The following PSD3 variants were observed in gnomAD, a reference collection of about 807,000 sequenced individuals.
The protein encoded by PSD3 is pleckstrin and Sec7 domain containing 3, also known as PH and SEC7 domain-containing protein 3.
In PSD3, 49 loss-of-function variants were observed where a neutral mutation model predicts 105.5. That is an observed-to-expected ratio of 0.46 (90% CI 0.37 to 0.59). The LOEUF (loss-of-function observed/expected upper bound fraction) is 0.59, where lower values mean the gene tolerates loss of function less well. Among genes scored for constraint, PSD3 ranks in the 20% least tolerant of loss-of-function variants. PSD3 has a pLI of 0.00. For synonymous variants in PSD3, 557 were observed against 457.8 expected, an observed-to-expected ratio of 1.22 and a Z score of -2.77; for missense variants, 1,561 against 1,263.8, an observed-to-expected ratio of 1.24 and a Z score of -3.57.
intron 2 of PSD3, among the ~76,000 whole-genome samples, chr8:18,909,907 G>A (rs1405238345): frequency 1.3e-5 from 2 of 152,092 alleles, no homozygotes; most frequent in Non-Finnish European, 2.9e-5. Flanking sequence ...ATTTCCCTCC[G>A]CTGGGAGGCA....
At chr8:18,829,335 A>AC (rs1813487284) in intron 4 of PSD3, among the ~76,000 whole-genome samples, 1 of 152,208 alleles carries the variant, frequency 6.6e-6, no homozygotes, top group Non-Finnish European at 1.5e-5. Flanking sequence ...TCATTTAAAA[A>AC]ACACACACAA....
chr8:18,550,652 T>A (rs1307892799), intron 15 of PSD3, among the ~76,000 whole-genome samples: 1 of 152,190 alleles, frequency 6.6e-6, no homozygotes, highest in Non-Finnish European at 1.5e-5. Flanking sequence ...CCAAAGCCTG[T>A]TTTATAATAA....
intron 2 of PSD3, among the ~76,000 whole-genome samples, chr8:18,925,406 T>TACAC (rs1554543908): frequency 1.3e-5 from 2 of 151,156 alleles, no homozygotes; most frequent in African/African-American, 4.9e-5. Context: ...TATATATATA[T>TACAC]ACACACACAC....
intron 1 of PSD3, among the ~76,000 whole-genome samples, chr8:18,945,528 A>G (rs1326522427): frequency 6.6e-6 from 1 of 152,240 alleles, no homozygotes; most frequent in Non-Finnish European, 1.5e-5. Flanking sequence ...TCTAGTCTCC[A>G]AAACTTGAAG....
intron 9 of PSD3, among the ~76,000 whole-genome samples, chr8:18,731,690 T>C (rs1451276062): frequency 6.6e-6 from 1 of 152,214 alleles, no homozygotes; most frequent in East Asian, 1.9e-4. Flanking sequence ...TCATGTGTTC[T>C]ACTCAGGAAA....
intron 9 of PSD3, among the ~76,000 whole-genome samples, chr8:18,748,523 G>A (rs1056773298): frequency 6.6e-6 from 1 of 152,034 alleles, no homozygotes; most frequent in African/African-American, 2.4e-5. Flanking sequence ...AGCCGGGCTT[G>A]GTGGCAGGCG....
chr8:18,838,922 G>A (rs1814382013), intron 4 of PSD3, among the ~76,000 whole-genome samples: 1 of 151,644 alleles, frequency 6.6e-6, no homozygotes, highest in African/African-American at 2.4e-5. Flanking sequence ...TTGCCACTAG[G>A]TCTTATTTGT....
intron 1 of PSD3, among the ~76,000 whole-genome samples, chr8:18,947,565 C>G (rs939483712): frequency 1.3e-5 from 2 of 152,110 alleles, no homozygotes; most frequent in Non-Finnish European, 2.9e-5. Flanking sequence ...TATGGGGTGG[C>G]GGGGGGCCCA....
chr8:18,831,148 G>C (rs551206161), intron 4 of PSD3, among the ~76,000 whole-genome samples: 1 of 152,120 alleles, frequency 6.6e-6, no homozygotes, highest in Non-Finnish European at 1.5e-5. Flanking sequence ...CATAAAATAG[G>C]GCAGCTACTA....
intron 2 of PSD3, among the ~76,000 whole-genome samples, chr8:18,888,929 T>C (rs1016339175): frequency 6.6e-5 from 10 of 152,092 alleles, no homozygotes; most frequent in African/African-American, 1.9e-4. Flanking sequence ...CCCTGAGGAA[T>C]TGTGAGCATC....
chr8:18,767,332 C>T (rs1190253510), intron 8 of PSD3, among the ~76,000 whole-genome samples: 3 of 152,112 alleles, frequency 2.0e-5, no homozygotes, highest in Admixed American at 6.6e-5. Flanking sequence ...TTTTAGGTTC[C>T]GTATAGACAG....
chr8:18,682,987 T>G (rs1044215028), intron 9 of PSD3, among the ~76,000 whole-genome samples: 4 of 152,304 alleles, frequency 2.6e-5, no homozygotes, highest in Non-Finnish European at 4.4e-5. Context: ...GATCCTATGA[T>G]TCTATTATTC....
chr8:18,663,134 C>T (rs1269489101), intron 9 of PSD3, among the ~76,000 whole-genome samples: 2 of 152,064 alleles, frequency 1.3e-5, no homozygotes, highest in Non-Finnish European at 2.9e-5. Flanking sequence ...CAAAATCAAA[C>T]CTGAAAGTGA....
intron 2 of PSD3, among the ~76,000 whole-genome samples, chr8:18,919,778 C>T (rs1040833112): frequency 4.2e-5 from 6 of 144,064 alleles, no homozygotes; most frequent in African/African-American, 1.6e-4. Flanking sequence ...CATATTCTCA[C>T]TCATAGATGG....
chr8:18,967,082 T>C (rs1276799254), intron 1 of PSD3, among the ~76,000 whole-genome samples: 5 of 152,174 alleles, frequency 3.3e-5, no homozygotes, highest in Admixed American at 2.6e-4. Flanking sequence ...TAAAAGCTTT[T>C]ACTTGGCTTT....
At position 18,804,879 on chromosome 8, in the gene PSD3, T is replaced by G; in HGVS notation, c.1654A>C (p.Thr552Pro). Residue 552 changes from threonine to proline, a missense_variant, in exon 5 of 16, where the codon ACA becomes CCA. Physicochemically the swap from Thr to Pro is conservative, Grantham distance 38. Coordinates refer to ENST00000327040, the MANE Select transcript of PSD3 (RefSeq NM_015310.4). ...FWGSNAGVKT[T>P]RLEAHSEMGS... ...ATTTCAGAATGAGCTTCTAGCCGTGTTGTTTTCACCCCAGCATTGCTATGA... is the reference window on the plus strand; with the variant it reads ...ATTTCAGAATGAGCTTCTAGCCGTGGTGTTTTCACCCCAGCATTGCTATGA... 6.2e-7 allele frequency: 1 copy of G among 1,611,650 alleles called. No homozygotes were observed. Among genetic ancestry groups the G allele is most frequent in the Non-Finnish European group, 8.5e-7 (1 of 1,178,020 alleles).
chr8:18,715,168 T>G (rs1223327830), intron 9 of PSD3, among the ~76,000 whole-genome samples: 2 of 152,234 alleles, frequency 1.3e-5, no homozygotes, highest in East Asian at 1.9e-4. Flanking sequence ...AAATAGCTAA[T>G]GCAGGCTGGG....
At chr8:18,868,233 G>A (rs868790413) in intron 3 of PSD3, among the ~76,000 whole-genome samples, 164 bp from the exon 4 acceptor site, 6 of 152,122 alleles carry the variant, frequency 3.9e-5, no homozygotes, top group African/African-American at 7.2e-5. Context: ...TAATCAGGTT[G>A]AAAAATTCTT....
At chr8:18,626,668 G>T (rs1161316629) in intron 11 of PSD3, among the ~76,000 whole-genome samples, 1 of 152,032 alleles carries the variant, frequency 6.6e-6, no homozygotes, top group Non-Finnish European at 1.5e-5. Flanking sequence ...TGTTTATAGT[G>T]ACCATCTCTC....
Sources: allele counts gnomAD v4.1 joint callset (sites outside exome capture counted in the v4.1 genomes callset), GRCh38; gene constraint gnomAD v4.1.1; transcripts MANE v1.5; gene names NCBI Gene and HGNC (gene_info 2026-07-23, HGNC 2026-07-21).